LAMC1: variants seen among roughly 807,000 people sequenced by gnomAD.
The protein encoded by LAMC1 is laminin subunit gamma 1, also known as laminin subunit gamma-1.
LAMC1 carries 38 observed loss-of-function variants against 173.6 expected under a neutral mutation model. The observed-to-expected ratio is 0.22, with a 90% confidence interval of 0.17 to 0.29. LAMC1 has a LOEUF of 0.29. Ranked by LOEUF, LAMC1 falls within the 10% of genes least tolerant of loss-of-function variation. The probability of loss-of-function intolerance (pLI) is 1.00; values close to 1 mark genes in which losing one functional copy is unlikely to be tolerated. For synonymous variants in LAMC1, 746 were observed against 749.1 expected (o/e 1.00, Z 0.07); for missense variants, 1,824 against 2,051.8 (o/e 0.89, Z 2.14).
intron 1 of LAMC1, among the ~76,000 whole-genome samples, chr1:183,098,486 A>G (rs1655751094): frequency 6.6e-6 from 1 of 152,202 alleles, no homozygotes; most frequent in Non-Finnish European, 1.5e-5. Context: ...TGCAGCAGAA[A>G]TCACACCTCC....
chr1:183,043,446 A>G (rs1654191887), intron 1 of LAMC1, among the ~76,000 whole-genome samples: 1 of 152,208 alleles, frequency 6.6e-6, no homozygotes, highest in Non-Finnish European at 1.5e-5. Context: ...ACTTTTACAG[A>G]TAGTGATAAA....
intron 2 of LAMC1, among the ~76,000 whole-genome samples, chr1:183,107,935 C>T (rs1656030081): frequency 6.6e-6 from 1 of 152,064 alleles, no homozygotes; most frequent in African/African-American, 2.4e-5. Context: ...GATTTGGGGT[C>T]CAGATACAGG....
At position 183,133,481 on chromosome 1, in the gene LAMC1, C is replaced by G. The variant is rs61749263; in HGVS notation, c.3780C>G (p.Ala1260=). The change falls in exon 22 of 28, where the codon GCC becomes GCG. Residue 1260 remains alanine, a synonymous_variant. Coordinates refer to ENST00000258341, the MANE Select transcript of LAMC1 (RefSeq NM_002293.4). ...GAGTACATGAGGAGGCCAAAAGGGC[C>G]GGTGACAAAGCTGTGGAGATCTATG... The part of the protein sequence containing the change: ...AARVHEEAKR[A]GDKAVEIYAS... 3.6e-3 allele frequency: 5,779 copies of G among 1,613,970 alleles called. 18 individuals carry two copies. The highest frequency in any genetic ancestry group is 4.6e-3 in the Non-Finnish European group (5,469 of 1,179,918).
rs1206257918 is a variant in LAMC1, at chr1:183,126,122, G to T, written c.2804G>T (p.Cys935Phe). The change falls in exon 16 of 28, where the codon TGT becomes TTT. Residue 935 changes from cysteine to phenylalanine, a missense_variant and splice_region_variant. By Grantham distance (205) the Cys-to-Phe change is radical (BLOSUM62 -2). Coordinates refer to ENST00000258341, the MANE Select transcript of LAMC1 (RefSeq NM_002293.4). Reference protein sequence around the residue: ...NLQSGQGCERCDCHALGSTNG... With the variant: ...NLQSGQGCERFDCHALGSTNG... ...AAATGTCCTGTGTTCATTTTCAGGT[G>T]TGACTGCCATGCCTTGGGCTCCACC... is the stretch of plus-strand genomic sequence containing the variant. The T allele has an allele frequency of 6.2e-7, 1 of 1,612,640 alleles. No homozygotes were observed. Among genetic ancestry groups the T allele is most frequent in the Non-Finnish European group, 8.5e-7 (1 of 1,179,646 alleles).
At chr1:183,105,054 CAA>C (rs71573297) in intron 2 of LAMC1, among the ~76,000 whole-genome samples, 5 of 125,482 alleles carry the variant, frequency 4.0e-5, no homozygotes, top group South Asian at 2.5e-4. Flanking sequence ...ACTAAAAATA[CAA>C]AAAAAAAAAA....
At chr1:183,115,815 G>C (rs1309857171) in intron 6 of LAMC1, among the ~76,000 whole-genome samples, 178 bp downstream of exon 6, 1 of 152,184 alleles carries the variant, frequency 6.6e-6, no homozygotes, top group Non-Finnish European at 1.5e-5. Context: ...CAGAGAGTAA[G>C]CAGAGTTTTA....
At chr1:183,032,307 A>G (rs1653868284) in intron 1 of LAMC1, among the ~76,000 whole-genome samples, 1 of 152,210 alleles carries the variant, frequency 6.6e-6, no homozygotes, top group Non-Finnish European at 1.5e-5. Context: ...TGGGAAATGA[A>G]TAAGGGGATT....
At chr1:183,136,299 A>G in intron 24 of LAMC1, 87 bp from the exon 25 acceptor site, 1 of 1,196,576 alleles carries the variant, frequency 8.4e-7, no homozygotes, top group Non-Finnish European at 1.2e-6. Flanking sequence ...CATTGTTCAT[A>G]AAACAAAATC....
chr1:183,128,941 G>GT (rs1227182504), intron 18 of LAMC1, 191 bp downstream of exon 18: 1 of 359,062 alleles, frequency 2.8e-6, no homozygotes, highest in East Asian at 4.3e-5. Flanking sequence ...TTAAGCTACA[G>GT]TAAGCATAGG....
At chr1:183,066,837 G>A (rs995535777) in intron 1 of LAMC1, among the ~76,000 whole-genome samples, 1 of 152,152 alleles carries the variant, frequency 6.6e-6, no homozygotes, top group Non-Finnish European at 1.5e-5. Flanking sequence ...GATAGCATTA[G>A]GAGAAATACC....
At chr1:183,027,006 G>A (rs1653705220) in intron 1 of LAMC1, among the ~76,000 whole-genome samples, 1 of 152,158 alleles carries the variant, frequency 6.6e-6, no homozygotes, top group Admixed American at 6.5e-5. Flanking sequence ...ATACACATGT[G>A]TATATAAAAT....
intron 1 of LAMC1, among the ~76,000 whole-genome samples, chr1:183,044,517 CTT>C (rs1465351695): frequency 6.6e-6 from 1 of 152,060 alleles, no homozygotes; most frequent in Non-Finnish European, 1.5e-5. Context: ...TTCTTTGGCT[CTT>C]TTGATGAATC....
At chr1:183,126,299 A>T (rs749595177) in intron 16 of LAMC1, 37 bp downstream of exon 16, 1 of 1,601,770 alleles carries the variant, frequency 6.2e-7, no homozygotes. Context: ...CTAAGCTTCC[A>T]CTAATTCCAG....
chr1:183,029,619 C>T (rs1653797515), intron 1 of LAMC1, among the ~76,000 whole-genome samples: 1 of 152,104 alleles, frequency 6.6e-6, no homozygotes, highest in Non-Finnish European at 1.5e-5. Flanking sequence ...AGGACTCCTT[C>T]CCCAGTTTCT....
At chr1:183,082,388 A>G (rs766139876) in intron 1 of LAMC1, among the ~76,000 whole-genome samples, 9 of 152,228 alleles carry the variant, frequency 5.9e-5, no homozygotes, top group East Asian at 1.9e-4. Flanking sequence ...GAGAGTAGTA[A>G]TGCTTTCGAA....
intron 1 of LAMC1, among the ~76,000 whole-genome samples, chr1:183,081,983 A>C (rs10911230): frequency 0.5 from 76,231 of 152,016 alleles, 19,736 homozygotes; most frequent in South Asian, 0.64. Context: ...TAGTTGGAGT[A>C]ATATATTATG....
rs149199949 is a variant in LAMC1, at chr1:183,051,310, A to G, written c.418+27176A>G. Among the ~76,000 whole-genome samples, 686 of 152,296 alleles carry G rather than the reference A, an allele frequency of 4.5e-3. 7 individuals carry two copies. Among genetic ancestry groups the G allele is most frequent in the African/African-American group, 0.016 (651 of 41,558 alleles). On this transcript the variant is annotated intron_variant, in intron 1 of 27. Transcript: ENST00000258341. ...TCCTGAACTGCCTTCTAGAAGTTCA[A>G]CTATCCTGAGACCACCATATTTGAC...
Position 183,140,411 on chromosome 1 carries a change from A to G in LAMC1, c.4481A>G (p.Gln1494Arg), listed in dbSNP as rs1224979202. Reference sequence around the variant, plus strand: ...CTCATTTTTCCCTTACAGGCTTCACAGGCTGCTCAAGAAGCCGAGATCAAT... The same window carrying G: ...CTCATTTTTCCCTTACAGGCTTCACGGGCTGCTCAAGAAGCCGAGATCAAT... ...QDMMMAGMAS[Q>R]AAQEAEINAR... Residue 1494 changes from glutamine (Q) to arginine (R), a missense_variant, in exon 27 of 28, where the codon CAG (glutamine) becomes CGG (arginine). Physicochemically the swap from Gln to Arg is conservative, Grantham distance 43. Transcript: ENST00000258341. 6.2e-7 allele frequency: 1 copy of G among 1,610,960 alleles called. No individual in the cohort carries two copies. The highest frequency in any genetic ancestry group is 8.5e-7 in the Non-Finnish European group (1 of 1,177,918).
At chr1:183,091,947 C>A (rs544083804) in intron 1 of LAMC1, among the ~76,000 whole-genome samples, 23 of 152,154 alleles carry the variant, frequency 1.5e-4, no homozygotes, top group Non-Finnish European at 3.4e-4. Context: ...AGTAGGTTTT[C>A]TAAAAATCAA....
Sources: gnomAD v4.1 joint callset for allele counts (sites outside exome capture counted in the v4.1 genomes callset) on GRCh38, gnomAD v4.1.1 for gene constraint, MANE v1.5 for transcripts, NCBI Gene and HGNC (gene_info 2026-07-23, HGNC 2026-07-21) for gene names.